The following MAP3K5 variants were observed in gnomAD, a reference collection of about 807,000 sequenced individuals.
MAP3K5 encodes the protein mitogen-activated protein kinase kinase kinase 5.
A neutral mutation model predicts 158.7 loss-of-function variants in MAP3K5; 56 were observed. That is an observed-to-expected ratio of 0.35 (90% confidence interval 0.28 to 0.44). The LOEUF (loss-of-function observed/expected upper bound fraction) is 0.44. MAP3K5 is among the 20% of genes least tolerant of loss of function. The pLI is 1.00. For missense variants in MAP3K5, 1,294 were observed against 1,674.8 expected (o/e 0.77, Z 3.97); for synonymous variants, 579 against 601.7 (o/e 0.96, Z 0.55).
upstream of MAP3K5, among the ~76,000 whole-genome samples, chr6:136,792,815 C>G (rs1276546697): frequency 6.6e-6 from 1 of 152,216 alleles, no homozygotes; most frequent in African/African-American, 2.4e-5. The surrounding 1 kb of genome is among the most constrained non-coding windows in gnomAD (Gnocchi z 5.7). Context: ...CGGCGCCAGC[C>G]TCGTCGTTCC....
chr6:136,558,240 G>A (rs1031447002), intron 29 of MAP3K5, among the ~76,000 whole-genome samples: 1 of 152,114 alleles, frequency 6.6e-6, no homozygotes, highest in Non-Finnish European at 1.5e-5. Flanking sequence ...TTAGCTGGGC[G>A]TGGTGGTGGG....
intron 25 of MAP3K5, among the ~76,000 whole-genome samples, chr6:136,568,673 G>C (rs1774226352): frequency 1.3e-5 from 2 of 152,066 alleles, no homozygotes; most frequent in Admixed American, 6.6e-5. Flanking sequence ...AGGAGTTTGA[G>C]ACCAGCCTGG....
intron 23 of MAP3K5, among the ~76,000 whole-genome samples, chr6:136,586,887 C>T (rs1775163817): frequency 6.6e-6 from 1 of 152,188 alleles, no homozygotes; most frequent in Non-Finnish European, 1.5e-5. Flanking sequence ...CTAGATGCTT[C>T]CTGCCCTCAA....
At chr6:136,700,213 C>T (rs1037173793) in intron 3 of MAP3K5, among the ~76,000 whole-genome samples, 1 of 152,038 alleles carries the variant, frequency 6.6e-6, no homozygotes, top group Non-Finnish European at 1.5e-5. Context: ...AATACACAAT[C>T]AAAACTGTGC....
chr6:136,733,344 A>G (rs1193514921), intron 1 of MAP3K5, among the ~76,000 whole-genome samples: 1 of 152,162 alleles, frequency 6.6e-6, no homozygotes, highest in Non-Finnish European at 1.5e-5. Flanking sequence ...CTATTGAGGG[A>G]GCCCTGCAAA....
intron 9 of MAP3K5, among the ~76,000 whole-genome samples, 192 bp downstream of exon 9, chr6:136,659,027 T>C (rs1181995527): frequency 6.6e-6 from 1 of 152,254 alleles, no homozygotes; most frequent in Non-Finnish European, 1.5e-5. Flanking sequence ...AGGAACCTGC[T>C]GACATCACCT....
intron 2 of MAP3K5, among the ~76,000 whole-genome samples, chr6:136,713,208 C>G (rs1233841812): frequency 1.3e-5 from 2 of 152,186 alleles, no homozygotes; most frequent in East Asian, 3.9e-4. Flanking sequence ...GTCCTTCTTA[C>G]TCTTTAAGGG....
intron 18 of MAP3K5, among the ~76,000 whole-genome samples, chr6:136,608,113 CCTG>C (rs1776178718): frequency 6.6e-6 from 1 of 152,070 alleles, no homozygotes; most frequent in South Asian, 2.1e-4. Context: ...TGGGACCCTG[CCTG>C]CTGTCATGGA....
intron 14 of MAP3K5, among the ~76,000 whole-genome samples, chr6:136,627,080 T>C (rs1398570422): frequency 6.6e-6 from 1 of 151,956 alleles, no homozygotes; most frequent in African/African-American, 2.4e-5. Flanking sequence ...ATCCATTTGC[T>C]TTTTTTTAGC....
chr6:136,721,975 C>A (rs1781762406), intron 1 of MAP3K5, among the ~76,000 whole-genome samples: 2 of 152,036 alleles, frequency 1.3e-5, no homozygotes, highest in African/African-American at 2.4e-5. Context: ...CTAGGTATTC[C>A]CATGAAAATC....
intron 2 of MAP3K5, among the ~76,000 whole-genome samples, chr6:136,711,309 C>T (rs576913061): frequency 1.3e-5 from 2 of 152,162 alleles, no homozygotes; most frequent in East Asian, 1.9e-4. Flanking sequence ...ATCCTTGCCC[C>T]GACACTAGCT....
chr6:136,745,266 C>G (rs1361137833), intron 1 of MAP3K5, among the ~76,000 whole-genome samples: 1 of 149,332 alleles, frequency 6.7e-6, no homozygotes, highest in Non-Finnish European at 1.5e-5. Context: ...TTTCCTATAT[C>G]AGAGTATTAA....
In MAP3K5 at chr6:136,609,039, G is replaced by C. The variant is rs1005529022; in HGVS notation, c.2521+2243C>G. ...ACTCTTACGTGACACCAGTGGAAGA[G>C]GTCCAAGAAAAGGGCTCTGTGAGGA... On this transcript the variant is annotated intron_variant, in intron 18 of 29. Coordinates refer to ENST00000359015, the MANE Select transcript of MAP3K5 (RefSeq NM_005923.4). The surrounding 1 kb of genome is among the most constrained non-coding windows in gnomAD (Gnocchi z 4.4). 6.6e-6 allele frequency among the ~76,000 whole-genome samples: 1 copy of C among 152,162 alleles called. No homozygotes were observed. Among genetic ancestry groups the C allele is most frequent in the Non-Finnish European group, 1.5e-5 (1 of 68,028 alleles).
intron 11 of MAP3K5, among the ~76,000 whole-genome samples, chr6:136,648,885 G>A (rs111722421): frequency 7.2e-5 from 11 of 152,338 alleles, no homozygotes; most frequent in Admixed American, 2.6e-4. Context: ...TAAGGTGGTG[G>A]TTCACATACG....
In MAP3K5 at chr6:136,696,166, G is replaced by A. The variant is rs904379354; in HGVS notation, c.976-109C>T. 1.3e-5 allele frequency: 8 copies of A among 618,236 alleles called. No homozygotes were observed. In the Admixed American group the frequency reaches 2.5e-4, roughly 19 times the overall value. 38.3% of individuals were successfully genotyped at this position (618,236 alleles called of 1,614,324 possible). Reference sequence around the variant, plus strand: ...CTGAATTCAAGAAACACATTAAAAAGACACTAGAATCCACAGAACACTTTG... The same window carrying A: ...CTGAATTCAAGAAACACATTAAAAAAACACTAGAATCCACAGAACACTTTG... On this transcript the variant is annotated intron_variant, in intron 5 of 29. Coordinates refer to ENST00000359015, the MANE Select transcript of MAP3K5 (RefSeq NM_005923.4).
At chr6:136,624,664 A>G (rs1319258087) in intron 14 of MAP3K5, among the ~76,000 whole-genome samples, 1 of 152,206 alleles carries the variant, frequency 6.6e-6, no homozygotes, top group African/African-American at 2.4e-5. Flanking sequence ...TTCCTTTAAA[A>G]TAACCAATGG....
chr6:136,720,423 G>T, intron 2 of MAP3K5, 27 bp downstream of exon 2: 1 of 1,541,840 alleles, frequency 6.5e-7, no homozygotes, highest in South Asian at 1.2e-5. Context: ...ATGTTAAAAT[G>T]AAACATTCAG....
chr6:136,611,262 T>C lies in MAP3K5; in HGVS notation c.2521+20A>G. 6.9e-7 allele frequency: 1 copy of C among 1,456,498 alleles called. No homozygotes were observed. The highest frequency in any genetic ancestry group is 9.6e-7 in the Non-Finnish European group (1 of 1,037,018). 90.2% of individuals were successfully genotyped at this position (1,456,498 alleles called of 1,614,324 possible). A position where few individuals can be genotyped will look rare whatever the true frequency, so the allele number is the denominator to read the frequency against. ...TTTCTTTAATTACATAAGATCTGTATCATCATTGCAAAAACATACCAGTAA... is the reference window on the plus strand; with the variant it reads ...TTTCTTTAATTACATAAGATCTGTACCATCATTGCAAAAACATACCAGTAA... On this transcript the variant is annotated intron_variant, in intron 18 of 29. Coordinates refer to ENST00000359015, the MANE Select transcript of MAP3K5 (RefSeq NM_005923.4).
Position 136,667,463 on chromosome 6 carries a change from C to T in MAP3K5, c.1366+1820G>A, listed in dbSNP as rs139244409. Among the ~76,000 whole-genome samples, 247 of 152,068 alleles carry T rather than the reference C, an allele frequency of 1.6e-3. 5 individuals are homozygous for T. In the East Asian group the frequency reaches 0.04, roughly 24 times the overall value. On this transcript the variant is annotated intron_variant, in intron 8 of 29. Coordinates refer to ENST00000359015, the MANE Select transcript of MAP3K5 (RefSeq NM_005923.4). ...GGCTGGGCAAGGTGGCTCACACCTG[C>T]AATCCTAGCACCTTGGGAGGCCCAG...
Sources: allele counts gnomAD v4.1 joint callset (sites outside exome capture counted in the v4.1 genomes callset), GRCh38; gene constraint gnomAD v4.1.1; non-coding constraint Gnocchi (gnomAD v3.1); transcripts MANE v1.5; gene names NCBI Gene and HGNC (gene_info 2026-07-23, HGNC 2026-07-21).